Variants in IRAK1BP1 observed in about 807,000 individuals in gnomAD.
IRAK1BP1 encodes the protein interleukin-1 receptor-associated kinase 1-binding protein 1.
IRAK1BP1 carries 24 observed loss-of-function variants against 28.0 expected under a neutral mutation model. That is an observed-to-expected ratio of 0.86 (90% CI 0.62 to 1.20). IRAK1BP1 has a LOEUF of 1.20. Ranked by LOEUF, IRAK1BP1 falls within the 50% of genes most tolerant of loss-of-function variation. The pLI is 0.00. For missense variants in IRAK1BP1, 336 were observed against 316.7 expected, an observed-to-expected ratio of 1.06 and a Z score of -0.46; for synonymous variants, 131 against 116.3, an observed-to-expected ratio of 1.13 and a Z score of -0.81.
intron 2 of IRAK1BP1, among the ~76,000 whole-genome samples, chr6:78,891,518 A>G (rs577409031): frequency 3.3e-5 from 5 of 151,662 alleles, no homozygotes; most frequent in South Asian, 2.1e-4. Context: ...CTGGAGTGCA[A>G]TGGCGTGATC....
Position 78,867,555 on chromosome 6 carries a change from T to C in IRAK1BP1, c.-22T>C, listed in dbSNP as rs1489026217. The C allele has an allele frequency of 3.1e-6, 5 of 1,607,312 alleles. No individual in the cohort carries two copies. Among genetic ancestry groups the C allele is most frequent in the South Asian group, 1.1e-5 (1 of 90,438 alleles). The stretch of plus-strand genomic sequence containing the variant: ...GGCCGCCGTCGGCCGGTAGTTACTA[T>C]GGAAACCCAGCTGCCATCGCTATGT... On this transcript the variant is annotated 5_prime_UTR_variant, in exon 1 of 4. It removes an upstream start codon present in the reference 5' UTR. Transcript: ENST00000369940.
At chr6:78,896,872 A>C (rs569761531) in intron 2 of IRAK1BP1, among the ~76,000 whole-genome samples, 2 of 152,054 alleles carry the variant, frequency 1.3e-5, no homozygotes, top group East Asian at 3.9e-4. Context: ...TGCATTGTAT[A>C]AGGTGAGGTT....
chr6:78,970,705 G>C, the IRAK1BP1 span: 1 of 920,806 alleles, frequency 1.1e-6, no homozygotes, highest in Non-Finnish European at 1.7e-6. Flanking sequence ...TGTGTTAATA[G>C]TAACCTTTGA....
Position 78,902,970 on chromosome 6 carries a change from C to A in IRAK1BP1, c.*4636C>A. On this transcript the variant is annotated 3_prime_UTR_variant, in exon 4 of 4. Transcript: ENST00000369940. ...ATAAAACTCTTATAAACCTGTTTAT[C>A]AGAAGGATATTTCTGTTTCAGCAAC... The A allele has an allele frequency of 8.3e-7, 1 of 1,201,162 alleles. No individual in the cohort carries two copies. Among genetic ancestry groups the A allele is most frequent in the Non-Finnish European group, 1.2e-6 (1 of 845,284 alleles). The allele number at this position is 1,201,162 out of a possible 1,614,324, so 74.4% of individuals were successfully genotyped here.
chr6:78,955,700 G>T, the IRAK1BP1 span: 1 of 798,842 alleles, frequency 1.3e-6, no homozygotes, highest in Admixed American at 2.4e-5. Flanking sequence ...ACAAGGAAAT[G>T]TTAACATGTA....
chr6:78,889,734 CAGTT>C (rs1771566982), intron 2 of IRAK1BP1, among the ~76,000 whole-genome samples: 1 of 152,106 alleles, frequency 6.6e-6, no homozygotes, highest in African/African-American at 2.4e-5. Flanking sequence ...CATCTCATGT[CAGTT>C]AGAATGGCAA....
chr6:78,945,238 A>G, intron 4 of IRAK1BP1: 1 of 1,247,678 alleles, frequency 8.0e-7, no homozygotes, highest in Non-Finnish European at 1.2e-6. Flanking sequence ...TGCTGATTCC[A>G]ACAAAAGCAT....
At chr6:78,904,483 A>G (rs576570472), downstream of IRAK1BP1, among the ~76,000 whole-genome samples, 4 of 152,334 alleles carry the variant, frequency 2.6e-5, no homozygotes, top group East Asian at 5.8e-4. Context: ...TAAACTTACA[A>G]TTTTTAGTAA....
Position 78,900,661 on chromosome 6 carries a change from G to T in IRAK1BP1, c.*2327G>T, listed in dbSNP as rs1772064057. The T allele has an allele frequency of 6.6e-6, 1 of 152,100 alleles. No individual in the cohort carries two copies. Among genetic ancestry groups the T allele is most frequent in the Admixed American group, 6.6e-5 (1 of 15,262 alleles). The allele number at this position is 152,100 out of a possible 1,614,324, so 9.4% of individuals were successfully genotyped here. A position where few individuals can be genotyped will look rare whatever the true frequency, so the allele number is the denominator to read the frequency against. On this transcript the variant is annotated 3_prime_UTR_variant, in exon 4 of 4. Coordinates refer to ENST00000369940, the MANE Select transcript of IRAK1BP1 (RefSeq NM_001010844.4). Reference sequence around the variant, plus strand: ...ATATCAAGTATGCTCTCAAATATTTGCTGGGAAAATTTACTAGCTGGATAA... The same window carrying T: ...ATATCAAGTATGCTCTCAAATATTTTCTGGGAAAATTTACTAGCTGGATAA...
At chr6:78,964,021 A>G in the IRAK1BP1 span, among the ~76,000 whole-genome samples, 1 of 152,340 alleles carries the variant, frequency 6.6e-6, no homozygotes, top group East Asian at 1.9e-4. Context: ...AGTATCACTT[A>G]TTCATTTAAA....
At chr6:78,969,403 C>A in the IRAK1BP1 span, among the ~76,000 whole-genome samples, 12 of 152,280 alleles carry the variant, frequency 7.9e-5, no homozygotes, top group East Asian at 2.1e-3. Context: ...AAAACTTTTA[C>A]AGATTTTAGT....
At chr6:78,961,536 A>T in the IRAK1BP1 span, among the ~76,000 whole-genome samples, 1 of 152,074 alleles carries the variant, frequency 6.6e-6, no homozygotes, top group African/African-American at 2.4e-5. Flanking sequence ...CCCACTCCAA[A>T]TCTACTGAAT....
chr6:78,916,004 A>C (rs962510484), intron 4 of IRAK1BP1, among the ~76,000 whole-genome samples: 3 of 152,194 alleles, frequency 2.0e-5, no homozygotes, highest in Non-Finnish European at 4.4e-5. Context: ...AAGCAACAAA[A>C]GCAGAGATTT....
chr6:78,884,891 T>TA (rs1325516167), intron 1 of IRAK1BP1, among the ~76,000 whole-genome samples: 15 of 152,088 alleles, frequency 9.9e-5, no homozygotes, highest in African/African-American at 3.6e-4. Flanking sequence ...AGAAATAGTT[T>TA]AAAATGGAAT....
the IRAK1BP1 span, among the ~76,000 whole-genome samples, chr6:78,974,931 T>A: frequency 6.6e-6 from 1 of 151,658 alleles, no homozygotes; most frequent in Non-Finnish European, 1.5e-5. Flanking sequence ...CACAGCCGAA[T>A]TCTACCAGAG....
intron 2 of IRAK1BP1, among the ~76,000 whole-genome samples, chr6:78,886,589 T>C (rs980233207): frequency 1.3e-5 from 2 of 152,172 alleles, no homozygotes. Flanking sequence ...TATCACCTGT[T>C]AGCACTTCAG....
rs1387707796 is a variant in IRAK1BP1 at position 78,903,042 on chromosome 6, A to T, written c.*4708A>T. 6.5e-7 allele frequency: 1 copy of T among 1,533,928 alleles called. No individual in the cohort carries two copies. On this transcript the variant is annotated 3_prime_UTR_variant, in exon 4 of 4. Transcript: ENST00000369940. ...TCCCAACCAACAATTACTCCCAGAT[A>T]GCCATGTCACCTGTGAATTATCATG...
rs189456509 is a variant in IRAK1BP1 at position 78,913,040 on chromosome 6, A to G, written c.*67+9930A>G. Among the ~76,000 whole-genome samples the G allele has an allele frequency of 6.4e-4, 98 of 152,264 alleles. 1 individual carries two copies. In the South Asian group the frequency reaches 8.1e-3, roughly 13 times the overall value. On this transcript the variant is annotated intron_variant and NMD_transcript_variant, in intron 4 of 4. Coordinates refer to the IRAK1BP1 transcript ENST00000606868. ...CTGCAAAATCATGATTGATTCCATA[A>G]AAGTATAAGTCATGGCCGGGTGCGG...
chr6:78,963,237 T>A, the IRAK1BP1 span: 1 of 1,602,674 alleles, frequency 6.2e-7, no homozygotes, highest in South Asian at 1.1e-5. Context: ...GGTACCTAGT[T>A]CTTCAGGAAA....
Sources: gnomAD v4.1 joint callset for allele counts (sites outside exome capture counted in the v4.1 genomes callset) on GRCh38, gnomAD v4.1.1 for gene constraint, MANE v1.5 for transcripts, NCBI Gene and HGNC (gene_info 2026-07-23, HGNC 2026-07-21) for gene names.